EGF: variants seen among roughly 807,000 people sequenced by gnomAD.
EGF encodes the protein epidermal growth factor, also known as pro-epidermal growth factor.
Under a neutral mutation model 143.8 loss-of-function variants are expected in EGF, and 95 were observed. The ratio of observed to expected loss-of-function variants is 0.66; its 90% CI spans 0.56 to 0.78. EGF has a LOEUF of 0.78. Ranked by LOEUF, EGF falls within the 30% of genes least tolerant of loss-of-function variation. EGF has a pLI of 0.00. For missense variants in EGF, 1,320 were observed against 1,470.9 expected (o/e 0.90, Z 1.68); for synonymous variants, 510 against 510.5 (o/e 1.00, Z 0.01).
At chr4:109,969,954 G>A (rs374932085) in intron 11 of EGF, among the ~76,000 whole-genome samples, 9 of 152,338 alleles carry the variant, frequency 5.9e-5, no homozygotes, top group African/African-American at 1.9e-4. Flanking sequence ...CGGCATGCAA[G>A]TGACAAATCT....
chr4:109,989,612 T>C (rs774670015), intron 18 of EGF, among the ~76,000 whole-genome samples: 1 of 152,246 alleles, frequency 6.6e-6, no homozygotes, highest in Non-Finnish European at 1.5e-5. Context: ...CACAGACATC[T>C]GTAAACACTC....
In EGF at chr4:110,012,349, C is replaced by T. The variant is rs1036735220; in HGVS notation, c.*894C>T. ...GAACCAAAATGATTTGTCAAGCTTG[C>T]TGATGTTTCTGTTTTTCGTTTTTTT... On this transcript the variant is annotated 3_prime_UTR_variant, in exon 24 of 24. Coordinates refer to ENST00000265171, the MANE Select transcript of EGF (RefSeq NM_001963.6). 6.8e-6 allele frequency: 1 copy of T among 147,648 alleles called. No individual in the cohort carries two copies. The highest frequency in any genetic ancestry group is 1.5e-5 in the Non-Finnish European group (1 of 67,668). The allele number at this position is 147,648 out of a possible 1,614,324, so 9.1% of individuals were successfully genotyped here. A position where few individuals can be genotyped will look rare whatever the true frequency, so the allele number is the denominator to read the frequency against.
rs1414224366 is a variant in EGF, at chr4:109,963,234, C to A, written c.1374C>A (p.Ser458=). 1.2e-6 allele frequency: 2 copies of A among 1,613,858 alleles called. No homozygotes were observed. Residue 458 remains serine (S), a synonymous_variant, in exon 9 of 24, where the codon TCC becomes TCA. Transcript: ENST00000265171. Reference sequence around the variant, plus strand: ...TCTGCGTTCCTCTTAGCCCAGTATCCTGGGAATGTGATTGCTTTCCTGGGT... The same window carrying A: ...TCTGCGTTCCTCTTAGCCCAGTATCATGGGAATGTGATTGCTTTCCTGGGT... ...SQLCVPLSPV[S]WECDCFPGYD... is the part of the protein sequence containing the mutation.
At chr4:109,979,200 C>G (rs935532839) in intron 13 of EGF, among the ~76,000 whole-genome samples, 7 of 152,000 alleles carry the variant, frequency 4.6e-5, no homozygotes, top group African/African-American at 1.7e-4. Context: ...ATAAATGACT[C>G]TTTCAAAAAT....
Position 109,937,199 on chromosome 4 carries a change from T to A in EGF, c.128-3747T>A, listed in dbSNP as rs1056048927. 5.3e-5 allele frequency among the ~76,000 whole-genome samples: 8 copies of A among 152,322 alleles called. 1 individual carries two copies. Among genetic ancestry groups the A allele is most frequent in the Admixed American group, 6.5e-5 (1 of 15,304 alleles). ...TTTGTAGGTCTCTAAGAACTTGCTT[T>A]ATGAATCTGGGTGCTCCTGTATTGG... is the stretch of plus-strand genomic sequence containing the variant. On this transcript the variant is annotated intron_variant, in intron 1 of 23. Coordinates refer to ENST00000265171, the MANE Select transcript of EGF (RefSeq NM_001963.6).
chr4:109,995,018 A>C (rs1359617577), intron 20 of EGF, 138 bp downstream of exon 20: 2 of 1,015,970 alleles, frequency 2.0e-6, no homozygotes, highest in Admixed American at 3.9e-5. Context: ...TACACATATG[A>C]ACCACGTGTG....
intron 1 of EGF, among the ~76,000 whole-genome samples, chr4:109,916,028 A>G (rs1344467855): frequency 1.3e-5 from 2 of 152,210 alleles, no homozygotes; most frequent in African/African-American, 4.8e-5. Context: ...AGGACAAATA[A>G]CAGTTGAAAA....
At chr4:109,913,621 G>A (rs1736086300) in intron 1 of EGF, among the ~76,000 whole-genome samples, 159 bp downstream of exon 1, 2 of 152,108 alleles carry the variant, frequency 1.3e-5, no homozygotes, top group Admixed American at 6.5e-5. Flanking sequence ...TTTCTTACTG[G>A]CCATTAGAGC....
chr4:110,005,234 CAGAGT>C (rs2126190301), intron 22 of EGF, among the ~76,000 whole-genome samples: 1 of 151,738 alleles, frequency 6.6e-6, no homozygotes, highest in South Asian at 2.1e-4. Flanking sequence ...TTTGTAGAGA[CAGAGT>C]TTCACCATGT....
rs1443032875 is a variant in EGF, at chr4:109,994,753, C to T, written c.2878C>T (p.Leu960Phe). The stretch of plus-strand genomic sequence containing the variant: ...TTTAGACTCTACTCCACCCCCTCAC[C>T]TCAGGGAAGATGACCACCACTATTC... ...ICPDSTPPPHLREDDHHYSVR... is the reference protein window; with the variant it reads ...ICPDSTPPPHFREDDHHYSVR... Residue 960 changes from leucine (L) to phenylalanine (F), a missense_variant, in exon 20 of 24, where the codon CTC (leucine) becomes TTC (phenylalanine). Around this residue, in one of 5 missense-constraint regions of EGF, gnomAD observed 1,186 missense variants for 1,313.7 expected, o/e 0.90. Coordinates refer to ENST00000265171, the MANE Select transcript of EGF (RefSeq NM_001963.6). The T allele has an allele frequency of 6.2e-7, 1 of 1,614,132 alleles. No individual in the cohort carries two copies. Among genetic ancestry groups the T allele is most frequent in the Non-Finnish European group, 8.5e-7 (1 of 1,179,996 alleles).
At chr4:109,974,834 G>C in intron 12 of EGF, 27 bp downstream of exon 12, 1 of 1,556,344 alleles carries the variant, frequency 6.4e-7, no homozygotes, top group South Asian at 1.1e-5. Flanking sequence ...ATAAGGCACT[G>C]CTCTGCAGAG....
intron 1 of EGF, among the ~76,000 whole-genome samples, chr4:109,936,711 C>T (rs1740874271): frequency 6.6e-6 from 1 of 152,178 alleles, no homozygotes; most frequent in African/African-American, 2.4e-5. Context: ...ACTGCTTTAG[C>T]TGTGTCTCAG....
At position 109,959,422 on chromosome 4, in the gene EGF, CGGAAGTACTGTGAAGGTAATGACT is replaced by C. The variant is rs760103609; in HGVS notation, c.1066+7_1066+30del. ...AGAGGGATACGCCCTAAGTCGAGAC[CGGAAGTACTGTGAAGGTAATGACT>C]GGAAGTACTGTGAAGGTAATGGAAG... On this transcript the variant is annotated splice_donor_variant and splice_donor_5th_base_variant and coding_sequence_variant and intron_variant, in exon 6 of 24. Transcript: ENST00000265171. LOFTEE classifies it high-confidence loss of function. 29 of 1,613,704 alleles carry C rather than the reference CGGAAGTACTGTGAAGGTAATGACT, an allele frequency of 1.8e-5. No individual in the cohort carries two copies. Among genetic ancestry groups the C allele is most frequent in the South Asian group, 3.3e-5 (3 of 91,070 alleles).
Position 109,943,242 on chromosome 4 carries a change from T to C in EGF, c.328-12T>C, listed in dbSNP as rs1560663131. 2 of 1,561,294 alleles carry C rather than the reference T, an allele frequency of 1.3e-6. No individual in the cohort carries two copies. The highest frequency in any genetic ancestry group is 1.7e-6 in the Non-Finnish European group (2 of 1,150,456). ...GAAGTATTAATAACAATTTTAAAAT[T>C]TGATTTTGCAGAGAGTATGTAATAT... On this transcript the variant is annotated splice_polypyrimidine_tract_variant and intron_variant, in intron 2 of 23. Coordinates refer to ENST00000265171, the MANE Select transcript of EGF (RefSeq NM_001963.6).
At chr4:109,934,259 A>G (rs1740346917) in intron 1 of EGF, among the ~76,000 whole-genome samples, 1 of 152,158 alleles carries the variant, frequency 6.6e-6, no homozygotes, top group Admixed American at 6.5e-5. Flanking sequence ...GAAGTTGCCT[A>G]TCAGCTTAAG....
At chr4:109,976,598 G>A (rs1748539171) in intron 13 of EGF, among the ~76,000 whole-genome samples, 2 of 152,182 alleles carry the variant, frequency 1.3e-5, no homozygotes. Flanking sequence ...ATGAATGTCA[G>A]TTGATAACTT....
chr4:109,974,620 A>AT (rs1465549764), intron 11 of EGF, 83 bp from the exon 12 acceptor site: 2 of 1,037,910 alleles, frequency 1.9e-6, no homozygotes, highest in African/African-American at 3.2e-5. Context: ...CTATCTTTGC[A>AT]TTTCAGAAAG....
intron 1 of EGF, among the ~76,000 whole-genome samples, chr4:109,938,936 C>A (rs193067806): frequency 6.6e-5 from 10 of 152,190 alleles, no homozygotes; most frequent in Admixed American, 2.6e-4. Flanking sequence ...GTCTGTTGGC[C>A]CCTACTAGGA....
chr4:109,929,743 C>G (rs1739352068), intron 1 of EGF, among the ~76,000 whole-genome samples: 1 of 152,096 alleles, frequency 6.6e-6, no homozygotes. Flanking sequence ...GACTTAAATT[C>G]AAATCTCCTG....
Sources: gnomAD v4.1 joint callset for allele counts (sites outside exome capture counted in the v4.1 genomes callset) on GRCh38, gnomAD v4.1.1 for gene constraint, gnomAD v4.1.1 regional missense constraint, MANE v1.5 for transcripts, NCBI Gene and HGNC (gene_info 2026-07-23, HGNC 2026-07-21) for gene names.